Variants in AGBL1 observed in about 807,000 individuals in gnomAD.
The protein encoded by AGBL1 is AGBL carboxypeptidase 1.
AGBL1 carries 130 observed loss-of-function variants against 118.9 expected under a neutral mutation model. The ratio of observed to expected loss-of-function variants is 1.09; its 90% CI spans 0.95 to 1.26. The LOEUF (loss-of-function observed/expected upper bound fraction) is 1.26, where lower values mean the gene tolerates loss of function less well. Among genes scored for constraint, AGBL1 ranks in the 50% most tolerant of loss-of-function variants. The pLI is 0.00. For missense variants in AGBL1, 1,584 were observed against 1,298.1 expected, an observed-to-expected ratio of 1.22 and a Z score of -3.38; for synonymous variants, 555 against 478.9, an observed-to-expected ratio of 1.16 and a Z score of -2.08.
chr15:86,426,460 G>A (rs2081867544), intron 18 of AGBL1, among the ~76,000 whole-genome samples: 2 of 152,156 alleles, frequency 1.3e-5, no homozygotes, highest in South Asian at 4.1e-4. Flanking sequence ...TCCATAGTGT[G>A]GGTTCATTCA....
chr15:86,644,961 C>T (rs1188751669), intron 21 of AGBL1, among the ~76,000 whole-genome samples: 3 of 151,738 alleles, frequency 2.0e-5, no homozygotes, highest in Non-Finnish European at 2.9e-5. Flanking sequence ...GCGGAGGTTG[C>T]AGCGAGCGGA....
intron 24 of AGBL1, among the ~76,000 whole-genome samples, chr15:87,008,404 T>C (rs768146405): frequency 6.6e-6 from 1 of 152,224 alleles, no homozygotes; most frequent in Non-Finnish European, 1.5e-5. Context: ...CATGACTTGC[T>C]CCTCCTTGCC....
At chr15:86,964,043 G>T (rs912517444) in intron 23 of AGBL1, among the ~76,000 whole-genome samples, 14 of 125,896 alleles carry the variant, frequency 1.1e-4, no homozygotes, top group Non-Finnish European at 2.6e-4. Context: ...GTGTGTGTGT[G>T]TGTGTGTGTG....
intron 22 of AGBL1, among the ~76,000 whole-genome samples, chr15:86,711,464 A>G (rs1340973511): frequency 6.6e-6 from 1 of 152,176 alleles, no homozygotes; most frequent in Non-Finnish European, 1.5e-5. Context: ...TCTTGTTTAT[A>G]GCATTTGTGT....
At chr15:86,193,204 G>T (rs1337553035) in intron 5 of AGBL1, among the ~76,000 whole-genome samples, 2 of 152,128 alleles carry the variant, frequency 1.3e-5, no homozygotes, top group Non-Finnish European at 2.9e-5. Context: ...ACTGAGAGGA[G>T]GGTGAATTTG....
intron 22 of AGBL1, among the ~76,000 whole-genome samples, chr15:86,756,248 C>G (rs1377277251): frequency 2.0e-5 from 3 of 151,446 alleles, no homozygotes; most frequent in Non-Finnish European, 4.4e-5. Context: ...CCGCCCCCAC[C>G]AAAAAAAGAA....
chr15:86,908,257 A>G lies in AGBL1; in HGVS notation c.*963A>G. The stretch of plus-strand genomic sequence containing the variant: ...TTGGCTTATTTTTCTTCATAACACA[A>G]AAGAACATTCTATATAAGAATTCTG... On this transcript the variant is annotated 3_prime_UTR_variant, in exon 23 of 23. Coordinates refer to ENST00000614907, the MANE Select transcript of AGBL1 (RefSeq NM_001386094.1). 1 of 152,198 alleles carries G rather than the reference A, an allele frequency of 6.6e-6. No individual in the cohort carries two copies. Among genetic ancestry groups the G allele is most frequent in the Non-Finnish European group, 1.5e-5 (1 of 68,026 alleles). The allele number at this position is 152,198 out of a possible 1,614,324, so 9.4% of individuals were successfully genotyped here. A position where few individuals can be genotyped will look rare whatever the true frequency, so the allele number is the denominator to read the frequency against.
chr15:86,632,481 C>T (rs978448194), intron 21 of AGBL1, among the ~76,000 whole-genome samples: 2 of 151,984 alleles, frequency 1.3e-5, no homozygotes, highest in Admixed American at 6.6e-5. Flanking sequence ...ATTTGAATTA[C>T]GTAGTTGCAA....
At chr15:86,491,903 GA>G (rs2082784956) in intron 18 of AGBL1, among the ~76,000 whole-genome samples, 1 of 151,940 alleles carries the variant, frequency 6.6e-6, no homozygotes, top group Non-Finnish European at 1.5e-5. Flanking sequence ...TGGGAGTACA[GA>G]AAATAGAAGG....
intron 23 of AGBL1, chr15:86,932,984 T>C (rs927244265): frequency 1.3e-5 from 2 of 152,216 alleles, no homozygotes; most frequent in Non-Finnish European, 2.9e-5. Flanking sequence ...GTCATTCTTC[T>C]AAATATTGAG....
At chr15:86,872,434 CTAT>C (rs1256838968) in intron 22 of AGBL1, among the ~76,000 whole-genome samples, 2 of 152,122 alleles carry the variant, frequency 1.3e-5, no homozygotes, top group African/African-American at 2.4e-5. Flanking sequence ...AACCCGCTTA[CTAT>C]TATTGCAGAG....
chr15:86,801,730 T>C lies in AGBL1; in HGVS notation c.3159-105357T>C, dbSNP rs142213151. 2.8e-3 allele frequency among the ~76,000 whole-genome samples: 434 copies of C among 152,294 alleles called. 1 individual carries two copies. Among genetic ancestry groups the C allele is most frequent in the Non-Finnish European group, 4.6e-3 (315 of 68,004 alleles). The stretch of plus-strand genomic sequence containing the variant: ...TCCATCATGGTACAGATTTAGATGC[T>C]ACCAGTACATTTTACATGAAGATTT... On this transcript the variant is annotated intron_variant, in intron 22 of 22. Coordinates refer to ENST00000614907, the MANE Select transcript of AGBL1 (RefSeq NM_001386094.1).
intron 1 of AGBL1, among the ~76,000 whole-genome samples, chr15:86,123,769 A>G (rs1016513513): frequency 6.6e-6 from 1 of 152,128 alleles, no homozygotes; most frequent in Non-Finnish European, 1.5e-5. Flanking sequence ...TAGCCTGACC[A>G]CCTTGAGCAC....
intron 22 of AGBL1, among the ~76,000 whole-genome samples, chr15:86,865,464 G>A (rs753583417): frequency 3.9e-5 from 6 of 152,300 alleles, no homozygotes; most frequent in Non-Finnish European, 2.9e-5. Flanking sequence ...TAATTGGACC[G>A]GAGGAGTGAA....
In AGBL1 at chr15:86,287,494, CTTAGGTCTTTAATCCA is replaced by C. The variant is rs545616738; in HGVS notation, c.2220+7714_2220+7729del. Among the ~76,000 whole-genome samples the C allele has an allele frequency of 1.8e-4, 28 of 152,186 alleles. No individual in the cohort carries two copies. In the South Asian group the frequency reaches 4.6e-3, roughly 25 times the overall value. On this transcript the variant is annotated intron_variant, in intron 16 of 22. Transcript: ENST00000614907. ...TAGCTTTACAGTTTCAGGTTTTATG[CTTAGGTCTTTAATCCA>C]TTTTGAGTTGATTCTTATATAAGGG...
chr15:86,758,179 C>A (rs1223553243), intron 22 of AGBL1, among the ~76,000 whole-genome samples: 1 of 152,098 alleles, frequency 6.6e-6, no homozygotes, highest in East Asian at 1.9e-4. Flanking sequence ...TCCCCTGCCA[C>A]ATGTGATACC....
chr15:86,232,451 A>G (rs1419164712), intron 6 of AGBL1, among the ~76,000 whole-genome samples: 1 of 152,194 alleles, frequency 6.6e-6, no homozygotes, highest in Non-Finnish European at 1.5e-5. Flanking sequence ...CATATTTGCT[A>G]TTCCATACTA....
intron 6 of AGBL1, among the ~76,000 whole-genome samples, chr15:86,241,109 T>C (rs1317208661): frequency 6.6e-6 from 1 of 152,142 alleles, no homozygotes; most frequent in African/African-American, 2.4e-5. Context: ...GAGTGTTTCA[T>C]TGTATGTATG....
chr15:86,194,551 T>C (rs2077770869), intron 5 of AGBL1, among the ~76,000 whole-genome samples: 1 of 152,238 alleles, frequency 6.6e-6, no homozygotes, highest in Non-Finnish European at 1.5e-5. Context: ...AAATTGATGC[T>C]CTCTGTGTTT....
Sources: allele counts gnomAD v4.1 joint callset (sites outside exome capture counted in the v4.1 genomes callset), GRCh38; gene constraint gnomAD v4.1.1; transcripts MANE v1.5; gene names NCBI Gene and HGNC (gene_info 2026-07-23, HGNC 2026-07-21).